PALD1: variants seen among roughly 807,000 people sequenced by gnomAD.
The protein encoded by PALD1 is phosphatase domain containing paladin 1, also known as paladin.
A neutral mutation model predicts 96.0 loss-of-function variants in PALD1; 57 were observed. The ratio of observed to expected loss-of-function variants is 0.59; its 90% confidence interval spans 0.48 to 0.74. The LOEUF (loss-of-function observed/expected upper bound fraction) is 0.74, where lower values mean the gene tolerates loss of function less well. Among genes scored for constraint, PALD1 ranks in the 30% least tolerant of loss-of-function variants. PALD1 has a pLI of 0.00. For missense variants in PALD1, 1,063 were observed against 1,143.7 expected (o/e 0.93, Z 1.02); for synonymous variants, 464 against 473.6 (o/e 0.98, Z 0.26).
intron 4 of PALD1, among the ~76,000 whole-genome samples, chr10:70,530,399 TCACA>T (rs1345445116): frequency 3.3e-5 from 5 of 152,236 alleles, no homozygotes; most frequent in African/African-American, 1.2e-4. Flanking sequence ...TGAATGGTGA[TCACA>T]GCTAACACTT....
At chr10:70,529,473 G>A in intron 3 of PALD1, 142 bp downstream of exon 3, 1 of 614,388 alleles carries the variant, frequency 1.6e-6, no homozygotes, top group South Asian at 1.9e-5. Flanking sequence ...GCCCTAGGAT[G>A]GAGCTAGCAC....
chr10:70,525,951 T>C lies in PALD1; in HGVS notation c.-1T>C, dbSNP rs369795237. 3.2e-5 allele frequency: 51 copies of C among 1,614,040 alleles called. 1 individual carries two copies. Among genetic ancestry groups the C allele is most frequent in the East Asian group, 2.2e-4 (10 of 44,880 alleles). Reference sequence around the variant, plus strand: ...TGGGGTCCTGAGGCTGCTGGCAGACTATGGGTACAACGGCCAGCACAGCCC... The same window carrying C: ...TGGGGTCCTGAGGCTGCTGGCAGACCATGGGTACAACGGCCAGCACAGCCC... On this transcript the variant is annotated 5_prime_UTR_variant, in exon 2 of 20. Coordinates refer to ENST00000263563, the MANE Select transcript of PALD1 (RefSeq NM_014431.3).
intron 1 of PALD1, among the ~76,000 whole-genome samples, chr10:70,512,551 A>G (rs1339099387): frequency 6.6e-6 from 1 of 152,272 alleles, no homozygotes; most frequent in Non-Finnish European, 1.5e-5. Flanking sequence ...TGGTCAGAGC[A>G]TGCCAAGAAA....
At chr10:70,518,290 G>C (rs915194998) in intron 1 of PALD1, among the ~76,000 whole-genome samples, 2 of 152,178 alleles carry the variant, frequency 1.3e-5, no homozygotes, top group Non-Finnish European at 2.9e-5. Context: ...AATGTTTGCT[G>C]TTATGAATAT....
chr10:70,539,549 G>A lies in PALD1; in HGVS notation c.1726-31G>A, dbSNP rs562739966. The A allele has an allele frequency of 6.4e-7, 1 of 1,566,240 alleles. No individual in the cohort carries two copies. Among genetic ancestry groups the A allele is most frequent in the Admixed American group, 1.9e-5 (1 of 52,678 alleles). On this transcript the variant is annotated intron_variant, in intron 14 of 19. Transcript: ENST00000263563. The surrounding 1 kb of genome is among the most constrained non-coding windows in gnomAD (Gnocchi z 4.5). ...GGGCTAGCCTAGAGCCTGCCCCAGT[G>A]GCCTGTGTCCTCCCTCCTGCCCTTG...
the PALD1 span, among the ~76,000 whole-genome samples, chr10:70,459,689 C>A: frequency 6.6e-6 from 1 of 152,236 alleles, no homozygotes; most frequent in African/African-American, 2.4e-5. Context: ...TTCTCTGGGA[C>A]TCAGCTGTCC....
At chr10:70,541,876 G>A (rs1016784981) in intron 17 of PALD1, among the ~76,000 whole-genome samples, 9 of 152,168 alleles carry the variant, frequency 5.9e-5, no homozygotes, top group South Asian at 2.1e-4. Context: ...CCCAGCTGTG[G>A]TTGGTGACCT....
chr10:70,475,336 G>T (rs780383726), upstream of PALD1, among the ~76,000 whole-genome samples: 1 of 152,140 alleles, frequency 6.6e-6, no homozygotes, highest in Non-Finnish European at 1.5e-5. Context: ...GGGCAGACAG[G>T]GGATCCGTCT....
At chr10:70,531,502 T>C in intron 5 of PALD1, 48 bp downstream of exon 5, 1 of 1,549,962 alleles carries the variant, frequency 6.5e-7, no homozygotes, top group Non-Finnish European at 8.8e-7. Flanking sequence ...CAGCCCAGCT[T>C]TGCAGATGCT....
intron 1 of PALD1, among the ~76,000 whole-genome samples, chr10:70,484,355 T>A (rs898751857): frequency 3.9e-5 from 6 of 152,202 alleles, no homozygotes; most frequent in Non-Finnish European, 8.8e-5. Flanking sequence ...TTAACACTGT[T>A]AAATCACGTC....
chr10:70,520,440 C>T (rs1008763819), intron 1 of PALD1, among the ~76,000 whole-genome samples: 1 of 152,194 alleles, frequency 6.6e-6, no homozygotes, highest in Non-Finnish European at 1.5e-5. Context: ...GCTCTTGAAC[C>T]TCTTGCCTAT....
At chr10:70,498,379 A>G (rs1454309702) in intron 1 of PALD1, among the ~76,000 whole-genome samples, 1 of 152,170 alleles carries the variant, frequency 6.6e-6, no homozygotes, top group Non-Finnish European at 1.5e-5. Context: ...TCCTGGGCTC[A>G]AGCAATCCTC....
chr10:70,529,144 G>A (rs10999377), intron 2 of PALD1, 85 bp from the exon 3 acceptor site: 130,472 of 636,794 alleles, frequency 0.2, 18,976 homozygotes, highest in East Asian at 0.45. Flanking sequence ...GTTTTCCTGC[G>A]GTGGGCTCTG....
At chr10:70,564,241 G>A in intron 18 of PALD1, 123 bp from the exon 19 acceptor site, 1 of 1,026,476 alleles carries the variant, frequency 9.7e-7, no homozygotes, top group Non-Finnish European at 1.4e-6. Flanking sequence ...CCAGGTGGAA[G>A]CAACGCCCTC....
chr10:70,517,516 G>A (rs982390092), intron 1 of PALD1, among the ~76,000 whole-genome samples: 3 of 151,642 alleles, frequency 2.0e-5, no homozygotes, highest in Non-Finnish European at 2.9e-5. Flanking sequence ...AAATTTTTGT[G>A]TATTTAGTGG....
At chr10:70,535,714 C>G (rs948326688) in intron 10 of PALD1, among the ~76,000 whole-genome samples, 8 of 151,578 alleles carry the variant, frequency 5.3e-5, no homozygotes, top group African/African-American at 1.9e-4. Context: ...CCTCCTGCTT[C>G]TCCTTCAATA....
chr10:70,505,863 A>G (rs1846377811), intron 1 of PALD1, among the ~76,000 whole-genome samples: 1 of 151,778 alleles, frequency 6.6e-6, no homozygotes, highest in Admixed American at 6.6e-5. Flanking sequence ...TCTACCCAAA[A>G]TACAAAAGTT....
At chr10:70,562,544 C>T (rs1198844131) in intron 18 of PALD1, among the ~76,000 whole-genome samples, 1 of 152,196 alleles carries the variant, frequency 6.6e-6, no homozygotes, top group African/African-American at 2.4e-5. Flanking sequence ...AGCTGCAGCC[C>T]AGCTGTGAGG....
In PALD1 at chr10:70,531,573, T is replaced by G. The variant is rs575935596; in HGVS notation, c.633+119T>G. 3.0e-5 allele frequency: 29 copies of G among 953,580 alleles called. No individual in the cohort carries two copies. In the African/African-American group the frequency reaches 4.1e-4, roughly 14 times the overall value. 59.1% of individuals were successfully genotyped at this position (953,580 alleles called of 1,614,324 possible). ...GTGTTCCCCCACTGTTGTGCCCTGC[T>G]TGGGTGAGTGGCTGGCTGCAAGGCT... On this transcript the variant is annotated intron_variant, in intron 5 of 19. Transcript: ENST00000263563.
Sources: gnomAD v4.1 joint callset for allele counts (sites outside exome capture counted in the v4.1 genomes callset) on GRCh38, gnomAD v4.1.1 for gene constraint, Gnocchi (gnomAD v3.1) non-coding constraint, MANE v1.5 for transcripts, NCBI Gene and HGNC (gene_info 2026-07-23, HGNC 2026-07-21) for gene names.